The following CADPS variants were observed in gnomAD, a reference collection of about 807,000 sequenced individuals.
CADPS encodes calcium dependent secretion activator.
In CADPS, 57 loss-of-function variants were observed where a neutral mutation model predicts 167.3. The ratio of observed to expected loss-of-function variants is 0.34; its 90% CI spans 0.28 to 0.42. The LOEUF (loss-of-function observed/expected upper bound fraction) is 0.42, where lower values mean the gene tolerates loss of function less well. CADPS is among the 20% of genes least tolerant of loss of function. The pLI, the probability that CADPS is intolerant of heterozygous loss-of-function variation, is 1.00. For synonymous variants in CADPS, 676 were observed against 635.3 expected, an observed-to-expected ratio of 1.06 and a Z score of -0.96; for missense variants, 1,414 against 1,738.1, an observed-to-expected ratio of 0.81 and a Z score of 3.32.
rs146660388 is a variant in CADPS, at chr3:62,842,625, C to G, written c.441+31964G>C. Among the ~76,000 whole-genome samples the G allele has an allele frequency of 4.2e-3, 645 of 152,222 alleles. 5 individuals are homozygous for G. Among genetic ancestry groups the G allele is most frequent in the African/African-American group, 0.014 (570 of 41,532 alleles). ...ACATTGCCTTGATCATCTCATTTAG[C>G]TGAATCCCTTAAAAATTCCATGAAG... On this transcript the variant is annotated intron_variant, in intron 1 of 29. Coordinates refer to ENST00000383710, the MANE Select transcript of CADPS (RefSeq NM_003716.4).
At position 62,765,903 on chromosome 3, in the gene CADPS, C is replaced by A. The variant is rs1194460354; in HGVS notation, c.523G>T (p.Ala175Ser). The A allele has an allele frequency of 6.2e-7, 1 of 1,613,082 alleles. No individual in the cohort carries two copies. The highest frequency in any genetic ancestry group is 1.1e-5 in the South Asian group (1 of 91,034). Residue 175 changes from alanine (A) to serine (S), a missense_variant, in exon 2 of 30, where the codon GCC becomes TCC. This residue lies in a region of CADPS where 522 missense variants were observed against 559.5 expected (regional missense o/e 0.93). Transcript: ENST00000383710. Reference sequence around the variant, plus strand: ...TAACTCTGCACAGCGTTCATGAAGGCTTCGTCAGCCATGATCTGGGTTTCC... The same window carrying A: ...TAACTCTGCACAGCGTTCATGAAGGATTCGTCAGCCATGATCTGGGTTTCC... ...NGETQIMADE[A>S]FMNAVQSYYE...
Position 62,492,310 on chromosome 3 carries a change from T to C in CADPS, c.2864A>G (p.Asn955Ser). 6.2e-7 allele frequency: 1 copy of C among 1,614,060 alleles called. No individual in the cohort carries two copies. The highest frequency in any genetic ancestry group is 1.1e-5 in the South Asian group (1 of 91,074). Residue 955 changes from asparagine (N) to serine (S), a missense_variant, in exon 20 of 30, where the codon AAT becomes AGT. Asn to Ser is a conservative substitution (Grantham distance 46). Transcript: ENST00000383710. ...WDSFPLFQLLNDFLRTDYNLC... is the reference protein window; with the variant it reads ...WDSFPLFQLLSDFLRTDYNLC... ...CATACAGTCAGTACGGAGAAAATCA[T>C]TCAGCAGCTGAAATAGTGGAAAACT... is the stretch of plus-strand genomic sequence containing the variant.
At chr3:62,827,065 C>T (rs1459690410) in intron 1 of CADPS, among the ~76,000 whole-genome samples, 3 of 152,130 alleles carry the variant, frequency 2.0e-5, no homozygotes, top group Non-Finnish European at 4.4e-5. Flanking sequence ...TATGAAACAC[C>T]ACATCCCAGT....
At chr3:62,824,666 A>C (rs2073701240) in intron 1 of CADPS, among the ~76,000 whole-genome samples, 1 of 152,216 alleles carries the variant, frequency 6.6e-6, no homozygotes, top group Non-Finnish European at 1.5e-5. Flanking sequence ...TCACAGCACA[A>C]GTGAAGCATA....
chr3:62,562,070 G>C (rs1293832649), intron 9 of CADPS, among the ~76,000 whole-genome samples: 1 of 152,174 alleles, frequency 6.6e-6, no homozygotes, highest in Admixed American at 6.5e-5. Flanking sequence ...TATTTTAATA[G>C]TGGCAAATAT....
Position 62,753,613 on chromosome 3 carries a change from G to T in CADPS, c.716C>A (p.Ala239Asp), listed in dbSNP as rs1280127722. 7 of 1,613,982 alleles carry T rather than the reference G, an allele frequency of 4.3e-6. No individual in the cohort carries two copies. The highest frequency in any genetic ancestry group is 5.9e-6 in the Non-Finnish European group (7 of 1,180,024). Residue 239 changes from alanine to aspartate, a missense_variant, in exon 3 of 30, where the codon GCC (alanine) becomes GAC (aspartate). Coordinates refer to ENST00000383710, the MANE Select transcript of CADPS (RefSeq NM_003716.4). This position sits in a 1 kb window ranked among gnomAD's most constrained non-coding sequence, Gnocchi z 4.6. Reference protein sequence around the residue: ...SKETVLSSWMAKFDAIYRGEE... With the variant: ...SKETVLSSWMDKFDAIYRGEE... ...TCCACGGTAGATGGCATCAAATTTG[G>T]CCATCCAGGAGCTCAGCACAGTCTC... is the stretch of plus-strand genomic sequence containing the variant.
At chr3:62,596,264 T>C (rs1325260221) in intron 6 of CADPS, among the ~76,000 whole-genome samples, 1 of 151,314 alleles carries the variant, frequency 6.6e-6, no homozygotes, top group East Asian at 2.0e-4. Context: ...GGCATGATCT[T>C]GGCTCACTGC....
chr3:62,823,983 T>G (rs1281697397), intron 1 of CADPS, among the ~76,000 whole-genome samples: 1 of 151,924 alleles, frequency 6.6e-6, no homozygotes, highest in Admixed American at 6.6e-5. Flanking sequence ...ATCTGACTTC[T>G]CCTCTTTGCA....
At chr3:62,475,232 C>T (rs1402764052) in intron 23 of CADPS, among the ~76,000 whole-genome samples, 1 of 152,122 alleles carries the variant, frequency 6.6e-6, no homozygotes, top group East Asian at 1.9e-4. Flanking sequence ...GGTGGGAGAT[C>T]TTATCCTTGA....
intron 1 of CADPS, among the ~76,000 whole-genome samples, chr3:62,783,782 G>C (rs1214523788): frequency 1.3e-5 from 2 of 152,326 alleles, no homozygotes; most frequent in African/African-American, 4.8e-5. Context: ...AATAGCTTTA[G>C]ATACTGTTAT....
In CADPS at chr3:62,532,004, G is replaced by C. The variant is rs2073801929; in HGVS notation, c.2291+867C>G. Among the ~76,000 whole-genome samples the C allele has an allele frequency of 3.9e-5, 6 of 152,174 alleles. No individual in the cohort carries two copies. The South Asian group carries it at 1.2e-3, about 31-fold the overall frequency. On this transcript the variant is annotated intron_variant, in intron 13 of 29. Transcript: ENST00000383710. ...ACCTACAAAATGAGGGGGTTGATTA[G>C]ACTGTGATCTCAAAAGTTCTTCCAG...
intron 6 of CADPS, among the ~76,000 whole-genome samples, chr3:62,609,955 G>T (rs143778601): frequency 6.6e-6 from 1 of 152,124 alleles, no homozygotes; most frequent in African/African-American, 2.4e-5. Flanking sequence ...CGGGAGTGGT[G>T]GTCCGTGCCT....
Position 62,601,355 on chromosome 3 carries a change from G to A in CADPS, c.1326-8607C>T, listed in dbSNP as rs2059939107. Reference sequence around the variant, plus strand: ...GAGTAGTTATGACAGAGAATATAGGGCCAACAAACCGAAAATTTTTACTTT... The same window carrying A: ...GAGTAGTTATGACAGAGAATATAGGACCAACAAACCGAAAATTTTTACTTT... On this transcript the variant is annotated intron_variant, in intron 6 of 29. Transcript: ENST00000383710. The surrounding 1 kb of genome is among the most constrained non-coding windows in gnomAD (Gnocchi z 4.3). Among the ~76,000 whole-genome samples, 1 of 152,110 alleles carries A rather than the reference G, an allele frequency of 6.6e-6. No homozygotes were observed. Among genetic ancestry groups the A allele is most frequent in the Admixed American group, 6.6e-5 (1 of 15,262 alleles).
chr3:62,715,822 T>A (rs1034460436), intron 3 of CADPS, among the ~76,000 whole-genome samples: 12 of 126,014 alleles, frequency 9.5e-5, no homozygotes, highest in African/African-American at 3.4e-4. Context: ...AGTGGCGCGA[T>A]CTCAGCTCAC....
chr3:62,552,535 G>A (rs950791477), intron 10 of CADPS, among the ~76,000 whole-genome samples: 5 of 152,168 alleles, frequency 3.3e-5, no homozygotes, highest in Admixed American at 2.0e-4. Context: ...GTTCCTCGTC[G>A]CCTCCTCAAT....
At position 62,602,412 on chromosome 3, in the gene CADPS, T is replaced by C. The variant is rs997612607; in HGVS notation, c.1326-9664A>G. 6.6e-6 allele frequency among the ~76,000 whole-genome samples: 1 copy of C among 152,114 alleles called. No individual in the cohort carries two copies. Among genetic ancestry groups the C allele is most frequent in the Non-Finnish European group, 1.5e-5 (1 of 68,012 alleles). On this transcript the variant is annotated intron_variant, in intron 6 of 29. Coordinates refer to ENST00000383710, the MANE Select transcript of CADPS (RefSeq NM_003716.4). The surrounding 1 kb of genome is among the most constrained non-coding windows in gnomAD (Gnocchi z 4.4). ...AATTGGTGCGGTTCATAAAATTAAC[T>C]GTGGGCTTTAACAAGAGAGAAGTGT... is the stretch of plus-strand genomic sequence containing the variant.
At chr3:62,827,012 T>A (rs1296685495) in intron 1 of CADPS, among the ~76,000 whole-genome samples, 1 of 152,114 alleles carries the variant, frequency 6.6e-6, no homozygotes, top group Non-Finnish European at 1.5e-5. Context: ...GAATTTCACA[T>A]CAACTGTTAA....
At chr3:62,590,867 T>C (rs1279655446) in intron 7 of CADPS, among the ~76,000 whole-genome samples, 1 of 152,078 alleles carries the variant, frequency 6.6e-6, no homozygotes, top group Non-Finnish European at 1.5e-5. Flanking sequence ...ATTATTATTA[T>C]TTTTGAGATG....
intron 28 of CADPS, chr3:62,404,833 G>A (rs928065515): frequency 2.3e-4 from 33 of 142,602 alleles, no homozygotes; most frequent in African/African-American, 8.2e-4. Context: ...GAGGCAGGGT[G>A]TTTGCTGGGG....
Sources: allele counts gnomAD v4.1 joint callset (sites outside exome capture counted in the v4.1 genomes callset), GRCh38; gene constraint gnomAD v4.1.1; regional missense constraint gnomAD v4.1.1; non-coding constraint Gnocchi (gnomAD v3.1); transcripts MANE v1.5; gene names NCBI Gene and HGNC (gene_info 2026-07-23, HGNC 2026-07-21).